The following GLIS3 variants were observed in gnomAD, a reference collection of about 807,000 sequenced individuals.
GLIS3 encodes zinc finger protein GLIS3.
In GLIS3, 53 loss-of-function variants were observed where a neutral mutation model predicts 78.6. The ratio of observed to expected loss-of-function variants is 0.67; its 90% confidence interval spans 0.54 to 0.85. The LOEUF is 0.85. Among genes scored for constraint, GLIS3 ranks in the 40% least tolerant of loss-of-function variants. The probability of loss-of-function intolerance (pLI) is 0.00; values close to 1 mark genes in which losing one functional copy is unlikely to be tolerated. For missense variants in GLIS3, 1,703 were observed against 1,231.1 expected (o/e 1.38, Z -5.74); for synonymous variants, 684 against 509.9 (o/e 1.34, Z -4.60).
At position 4,258,343 on chromosome 9, in the gene GLIS3, G is replaced by C. The variant is rs946154468; in HGVS notation, c.388+27695C>G. Among the ~76,000 whole-genome samples the C allele has an allele frequency of 2.0e-5, 3 of 152,190 alleles. No homozygotes were observed. The East Asian group carries it at 5.8e-4, about 29-fold the overall frequency. ...CAGTAACATATATATACCAATGCTG[G>C]TTTCTTAATTTTGATAAATGTAATA... On this transcript the variant is annotated intron_variant, in intron 2 of 10. Transcript: ENST00000381971.
chr9:3,939,544 C>T (rs1312058830), intron 4 of GLIS3, among the ~76,000 whole-genome samples: 1 of 152,152 alleles, frequency 6.6e-6, no homozygotes, highest in Non-Finnish European at 1.5e-5. Flanking sequence ...TATCTCAGAA[C>T]ATCCTGACCA....
chr9:4,188,786 AGG>A (rs1818044786), intron 2 of GLIS3, among the ~76,000 whole-genome samples: 1 of 152,068 alleles, frequency 6.6e-6, no homozygotes, highest in Admixed American at 6.5e-5. Flanking sequence ...ATTTGCGTAG[AGG>A]TGTTTGTAGT....
At chr9:4,385,339 T>G in the GLIS3 span, among the ~76,000 whole-genome samples, 3 of 152,200 alleles carry the variant, frequency 2.0e-5, no homozygotes, top group Admixed American at 6.5e-5. Flanking sequence ...TTAGACTCCA[T>G]GAACCTCAGA....
chr9:4,477,055 C>T, the GLIS3 span, among the ~76,000 whole-genome samples: 1 of 152,098 alleles, frequency 6.6e-6, no homozygotes, highest in Non-Finnish European at 1.5e-5. Flanking sequence ...AGTAATTATG[C>T]TTCTGGGTAT....
intron 2 of GLIS3, among the ~76,000 whole-genome samples, chr9:4,324,088 T>C (rs1422454905): frequency 6.6e-6 from 1 of 152,222 alleles, no homozygotes; most frequent in African/African-American, 2.4e-5. Flanking sequence ...TGTCTCAATA[T>C]GCCATCTCAA....
At chr9:4,375,100 T>C in the GLIS3 span, among the ~76,000 whole-genome samples, 2 of 152,194 alleles carry the variant, frequency 1.3e-5, no homozygotes, top group African/African-American at 4.8e-5. Context: ...TCCTATCTTA[T>C]CCTGACAGAA....
chr9:3,997,790 A>G (rs1820852177), intron 4 of GLIS3, among the ~76,000 whole-genome samples: 1 of 152,174 alleles, frequency 6.6e-6, no homozygotes. Context: ...GGAAATAGGA[A>G]TAAGAAAAAG....
the GLIS3 span, among the ~76,000 whole-genome samples, chr9:4,358,391 C>G: frequency 0.91 from 138,525 of 152,204 alleles, 63,546 homozygotes; most frequent in Admixed American, 0.97. Flanking sequence ...CAAGCAATGT[C>G]CCAAGTACCT....
Position 4,325,159 on chromosome 9 carries a change from C to G in GLIS3, n.265-14631G>C, listed in dbSNP as rs576598418. On this transcript the variant is annotated intron_variant and non_coding_transcript_variant, in intron 2 of 4. Coordinates refer to the GLIS3 transcript ENST00000471664. Reference sequence around the variant, plus strand: ...CTATAAAGCCCATAGCTACACCACCCTCTCTATACTTGAATGCATAAATGT... The same window carrying G: ...CTATAAAGCCCATAGCTACACCACCGTCTCTATACTTGAATGCATAAATGT... Among the ~76,000 whole-genome samples the G allele has an allele frequency of 4.6e-5, 7 of 152,292 alleles. No homozygotes were observed. In the South Asian group the frequency reaches 1.0e-3, roughly 23 times the overall value.
chr9:4,097,197 T>G (rs745522350), intron 4 of GLIS3, among the ~76,000 whole-genome samples: 6 of 152,112 alleles, frequency 3.9e-5, no homozygotes, highest in Non-Finnish European at 7.4e-5. Context: ...CTTTCTTCCA[T>G]CTGCCTGCCA....
intron 4 of GLIS3, among the ~76,000 whole-genome samples, chr9:4,007,823 C>T (rs1821675820): frequency 1.4e-5 from 2 of 140,288 alleles, no homozygotes; most frequent in East Asian, 2.1e-4. Context: ...ACTTGGGTAG[C>T]AATCACAGAC....
chr9:4,254,856 GA>G (rs1824763564), intron 2 of GLIS3, among the ~76,000 whole-genome samples: 2 of 145,424 alleles, frequency 1.4e-5, no homozygotes, highest in African/African-American at 5.0e-5. Flanking sequence ...AAAAAAAAAA[GA>G]AAAAAAGATA....
intron 2 of GLIS3, among the ~76,000 whole-genome samples, chr9:4,329,787 C>T (rs985294365): frequency 4.6e-5 from 7 of 152,106 alleles, no homozygotes; most frequent in South Asian, 2.1e-4. Context: ...ATCTTTACAA[C>T]GTATTAATAC....
chr9:3,946,785 C>A (rs1816323344), intron 4 of GLIS3, among the ~76,000 whole-genome samples: 1 of 152,172 alleles, frequency 6.6e-6, no homozygotes, highest in Admixed American at 6.5e-5. Context: ...AAATGTGTGC[C>A]TTCTCATACA....
intron 2 of GLIS3, among the ~76,000 whole-genome samples, chr9:4,267,887 T>C (rs117729420): frequency 0.027 from 4,118 of 152,094 alleles, 85 homozygotes; most frequent in Middle Eastern, 0.071. Context: ...AAGAAATAAA[T>C]AGATTTGCTA....
chr9:4,050,257 C>G (rs571892280), intron 4 of GLIS3, among the ~76,000 whole-genome samples: 64 of 152,276 alleles, frequency 4.2e-4, no homozygotes, highest in African/African-American at 1.5e-3. Context: ...CCATGGAATA[C>G]TATGCAGCCA....
At chr9:3,945,929 C>T (rs1816264343) in intron 4 of GLIS3, among the ~76,000 whole-genome samples, 1 of 152,182 alleles carries the variant, frequency 6.6e-6, no homozygotes, top group Non-Finnish European at 1.5e-5. Context: ...CAGGCCTCTC[C>T]CCTCTTACCT....
intron 2 of GLIS3, among the ~76,000 whole-genome samples, chr9:4,178,478 C>G (rs1385059541): frequency 6.6e-6 from 1 of 152,182 alleles, no homozygotes; most frequent in Non-Finnish European, 1.5e-5. Flanking sequence ...AAATCTGCAG[C>G]TAGGAGCATC....
chr9:4,118,940 A>C lies in GLIS3; in HGVS notation c.597-59T>G. 6.5e-7 allele frequency: 1 copy of C among 1,542,636 alleles called. No homozygotes were observed. Among genetic ancestry groups the C allele is most frequent in the Non-Finnish European group, 8.8e-7 (1 of 1,142,612 alleles). On this transcript the variant is annotated intron_variant, in intron 3 of 10. Transcript: ENST00000381971. The surrounding 1 kb of genome is among the most constrained non-coding windows in gnomAD (Gnocchi z 4.7). ...AGATAAACATTTTAGCAGGATACGG[A>C]TTGCTTAAGAGCTAAAAGAACACTG...
Sources: gnomAD v4.1 joint callset for allele counts (sites outside exome capture counted in the v4.1 genomes callset) on GRCh38, gnomAD v4.1.1 for gene constraint, Gnocchi (gnomAD v3.1) non-coding constraint, MANE v1.5 for transcripts, NCBI Gene and HGNC (gene_info 2026-07-23, HGNC 2026-07-21) for gene names.